MYO10: variants seen among roughly 807,000 people sequenced by gnomAD.
MYO10 encodes myosin X.
Under a neutral mutation model 257.3 loss-of-function variants are expected in MYO10, and 133 were observed. The ratio of observed to expected loss-of-function variants is 0.52; its 90% CI spans 0.45 to 0.60. MYO10 has a LOEUF of 0.60. Ranked by LOEUF, MYO10 falls within the 20% of genes least tolerant of loss-of-function variation. The pLI is 0.00. For missense variants in MYO10, 2,399 were observed against 2,635.7 expected (o/e 0.91, Z 1.97); for synonymous variants, 1,104 against 1,028.6 (o/e 1.07, Z -1.40).
chr5:16,710,169 G>A (rs1738533498), intron 21 of MYO10, among the ~76,000 whole-genome samples: 1 of 150,102 alleles, frequency 6.7e-6, no homozygotes, highest in Admixed American at 6.6e-5. Flanking sequence ...GAGGACACAT[G>A]TGTCCTCAGC....
intron 37 of MYO10, among the ~76,000 whole-genome samples, chr5:16,672,451 T>C (rs1171334727): frequency 6.6e-6 from 1 of 152,012 alleles, no homozygotes; most frequent in Non-Finnish European, 1.5e-5. Context: ...AACATGGAAC[T>C]GAGAAAAGGA....
At chr5:16,902,443 G>T (rs1745407491) in intron 1 of MYO10, 4 of 1,254,316 alleles carry the variant, frequency 3.2e-6, no homozygotes, top group Non-Finnish European at 4.6e-6. Context: ...TTCACATACA[G>T]CTTGGGAAGC....
intron 2 of MYO10, among the ~76,000 whole-genome samples, chr5:16,818,404 GTGTGTGTA>G (rs757184559): frequency 0.014 from 1,700 of 119,218 alleles, 27 homozygotes; most frequent in African/African-American, 0.022. Context: ...GTGTGTGTGT[GTGTGTGTA>G]TATATATATA....
chr5:16,764,422 T>A (rs1740806479), intron 11 of MYO10, 26 bp from the exon 12 acceptor site: 1 of 1,611,982 alleles, frequency 6.2e-7, no homozygotes, highest in Non-Finnish European at 8.5e-7. Flanking sequence ...CAGCACAGAC[T>A]CAGCTGACCC....
At chr5:16,682,604 A>T (rs1169289775) in intron 30 of MYO10, among the ~76,000 whole-genome samples, 1 of 152,146 alleles carries the variant, frequency 6.6e-6, no homozygotes, top group African/African-American at 2.4e-5. Flanking sequence ...AACCTCTCTC[A>T]TAGGCCCTTG....
At chr5:16,725,787 C>CTTTT (rs35020175) in intron 19 of MYO10, among the ~76,000 whole-genome samples, 19 of 138,292 alleles carry the variant, frequency 1.4e-4, no homozygotes, top group African/African-American at 4.0e-4. Context: ...CAGGTACCCC[C>CTTTT]TTTTTTTTTT....
chr5:16,856,964 A>C (rs1039228568), intron 2 of MYO10, among the ~76,000 whole-genome samples: 4 of 152,236 alleles, frequency 2.6e-5, no homozygotes, highest in African/African-American at 9.6e-5. Context: ...TCGAGCTTAG[A>C]AAACAAGCAA....
chr5:16,725,190 G>A (rs1297588447), intron 19 of MYO10, among the ~76,000 whole-genome samples: 4 of 145,226 alleles, frequency 2.8e-5, no homozygotes, highest in East Asian at 2.2e-4. Flanking sequence ...GGGTTCAAGC[G>A]ATTCTCCTGC....
At chr5:16,908,326 G>A (rs1316994832) in intron 1 of MYO10, among the ~76,000 whole-genome samples, 1 of 152,040 alleles carries the variant, frequency 6.6e-6, no homozygotes. Context: ...TCAGGAGTTC[G>A]AGAGCAGCCT....
chr5:16,867,986 C>G (rs1744329613), intron 2 of MYO10, among the ~76,000 whole-genome samples: 1 of 152,158 alleles, frequency 6.6e-6, no homozygotes, highest in South Asian at 2.1e-4. Flanking sequence ...AATCCCTGCA[C>G]AGAGTAATCG....
chr5:16,833,599 G>A (rs1170517244), intron 2 of MYO10, among the ~76,000 whole-genome samples: 1 of 152,034 alleles, frequency 6.6e-6, no homozygotes, highest in East Asian at 1.9e-4. Context: ...GGTTTCTTTG[G>A]CTGCTGTTTC....
rs565945415 is a variant in MYO10 at position 16,927,562 on chromosome 5, G to A, written c.21+8226C>T. Reference sequence around the variant, plus strand: ...GATGGTCTGGATCTCCTGACCTCGTGATCCTCCTGCCTCGGCCTCCCAAAG... The same window carrying A: ...GATGGTCTGGATCTCCTGACCTCGTAATCCTCCTGCCTCGGCCTCCCAAAG... On this transcript the variant is annotated intron_variant, in intron 1 of 40. Transcript: ENST00000513610. Among the ~76,000 whole-genome samples the A allele has an allele frequency of 4.3e-3, 650 of 152,234 alleles. 6 individuals carry two copies. The highest frequency in any genetic ancestry group is 6.1e-3 in the Non-Finnish European group (416 of 68,008).
chr5:16,754,786 C>T, intron 19 of MYO10, 42 bp downstream of exon 19: 1 of 1,440,968 alleles, frequency 6.9e-7, no homozygotes, highest in Non-Finnish European at 9.5e-7. Flanking sequence ...GAGGCTGTGT[C>T]CCTCGAGACA....
chr5:16,741,184 G>A (rs1325969327), intron 19 of MYO10, among the ~76,000 whole-genome samples: 1 of 152,116 alleles, frequency 6.6e-6, no homozygotes, highest in African/African-American at 2.4e-5. Flanking sequence ...CTACTTCGGG[G>A]AGTAAAGGGA....
Position 16,795,468 on chromosome 5 carries a change from G to T in MYO10, c.280-635C>A, listed in dbSNP as rs556185815. 2.6e-5 allele frequency among the ~76,000 whole-genome samples: 4 copies of T among 152,192 alleles called. No individual in the cohort carries two copies. In the East Asian group the frequency reaches 7.8e-4, roughly 30 times the overall value. Reference sequence around the variant, plus strand: ...AAAATACAAAAATTAGCCAGGCATGGTGATGCCTGCCTGTAATCCCTACAC... The same window carrying T: ...AAAATACAAAAATTAGCCAGGCATGTTGATGCCTGCCTGTAATCCCTACAC... On this transcript the variant is annotated intron_variant, in intron 3 of 40. Transcript: ENST00000513610.
intron 1 of MYO10, among the ~76,000 whole-genome samples, chr5:16,895,079 C>T (rs1470607997): frequency 6.6e-6 from 1 of 152,224 alleles, no homozygotes; most frequent in East Asian, 1.9e-4. Context: ...TCACCTCCAC[C>T]CTTACCAATA....
At chr5:16,898,162 C>T (rs1270705080) in intron 1 of MYO10, among the ~76,000 whole-genome samples, 3 of 152,032 alleles carry the variant, frequency 2.0e-5, no homozygotes, top group Admixed American at 6.6e-5. Flanking sequence ...ATAAAGCTTT[C>T]GGGAGCCCCC....
At chr5:16,788,954 A>T (rs1741672649) in intron 4 of MYO10, among the ~76,000 whole-genome samples, 1 of 152,166 alleles carries the variant, frequency 6.6e-6, no homozygotes, top group South Asian at 2.1e-4. Flanking sequence ...AGGCTCAGAG[A>T]TGCAGCAATG....
intron 6 of MYO10, among the ~76,000 whole-genome samples, chr5:16,781,366 C>CACT (rs1480709243): frequency 6.6e-6 from 1 of 152,168 alleles, no homozygotes; most frequent in African/African-American, 2.4e-5. Flanking sequence ...AGGCATGAGC[C>CACT]ACTGCGCCTG....
Sources: allele counts gnomAD v4.1 joint callset (sites outside exome capture counted in the v4.1 genomes callset), GRCh38; gene constraint gnomAD v4.1.1; transcripts MANE v1.5; gene names NCBI Gene and HGNC (gene_info 2026-07-23, HGNC 2026-07-21).